ATP12A: variants seen among roughly 807,000 people sequenced by gnomAD.
The protein encoded by ATP12A is potassium-transporting ATPase alpha chain 2.
A neutral mutation model predicts 111.2 loss-of-function variants in ATP12A; 81 were observed. That is an observed-to-expected ratio of 0.73 (90% CI 0.61 to 0.88). The LOEUF (loss-of-function observed/expected upper bound fraction) is 0.88, where lower values mean the gene tolerates loss of function less well. Ranked by LOEUF, ATP12A falls within the 40% of genes least tolerant of loss-of-function variation. ATP12A has a pLI of 0.00. For missense variants in ATP12A, 1,196 were observed against 1,313.1 expected (o/e 0.91, Z 1.38); for synonymous variants, 498 against 499.8 (o/e 1.00, Z 0.05).
chr13:24,690,594 TTTC>T lies in ATP12A; in HGVS notation c.682-5_682-3del. 1 of 1,607,644 alleles carries T rather than the reference TTTC, an allele frequency of 6.2e-7. No homozygotes were observed. Among genetic ancestry groups the T allele is most frequent in the East Asian group, 2.2e-5 (1 of 44,786 alleles). On this transcript the variant is annotated splice_region_variant and splice_polypyrimidine_tract_variant and intron_variant, in intron 6 of 22. Transcript: ENST00000381946. ...ACCCAGCTGTGAACCACCTTCAACA[TTTC>T]TTCTAGGTGGATAACTCATCTCTCA... is the stretch of plus-strand genomic sequence containing the variant.
At chr13:24,702,372 A>G (rs1240053481) in intron 14 of ATP12A, among the ~76,000 whole-genome samples, 4 of 152,236 alleles carry the variant, frequency 2.6e-5, no homozygotes, top group Non-Finnish European at 2.9e-5. Flanking sequence ...AAAAACTGAA[A>G]CAAAGGGTTT....
rs561161519 is a variant in ATP12A at position 24,701,882 on chromosome 13, T to C, written c.1882-53T>C. 13 of 1,612,064 alleles carry C rather than the reference T, an allele frequency of 8.1e-6. No individual in the cohort carries two copies. In the South Asian group the frequency reaches 1.4e-4, roughly 18 times the overall value. ...AGGTATTACTGAACCATCCCCACTT[T>C]GGCCAACCGAGTTCTTCATTACCCG... On this transcript the variant is annotated intron_variant, in intron 13 of 22. Transcript: ENST00000381946.
At chr13:24,711,022 C>T (rs950382413) in intron 21 of ATP12A, 129 bp downstream of exon 21, 2 of 860,112 alleles carry the variant, frequency 2.3e-6, no homozygotes, top group South Asian at 1.7e-5. Context: ...TGATCCCATG[C>T]TCTGTGAGCC....
chr13:24,701,398 G>A (rs1352380367), intron 13 of ATP12A, among the ~76,000 whole-genome samples: 2 of 151,640 alleles, frequency 1.3e-5, no homozygotes, highest in African/African-American at 4.9e-5. Context: ...CTACTCGGGA[G>A]GCTGAGGCAG....
chr13:24,687,876 A>G (rs1867767), intron 3 of ATP12A, among the ~76,000 whole-genome samples: 141,301 of 152,218 alleles, frequency 0.93, 65,758 homozygotes, highest in East Asian at 1. Flanking sequence ...TAGTCCTCTC[A>G]CCGGATAAAC....
chr13:24,694,700 TACAGCACCC>T, intron 11 of ATP12A, 122 bp downstream of exon 11: 1 of 1,481,808 alleles, frequency 6.7e-7, no homozygotes, highest in Non-Finnish European at 9.2e-7. Context: ...TCGTCAGGGA[TACAGCACCC>T]AGGCATCTGG....
chr13:24,690,537 C>T, intron 6 of ATP12A, 65 bp downstream of exon 6: 4 of 1,603,980 alleles, frequency 2.5e-6, no homozygotes, highest in Non-Finnish European at 3.4e-6. Context: ...GGGGTCTTTC[C>T]CAGCATCAGT....
intron 9 of ATP12A, 53 bp from the exon 10 acceptor site, chr13:24,692,734 C>T (rs1225748987): frequency 6.3e-7 from 1 of 1,599,630 alleles, no homozygotes; most frequent in Non-Finnish European, 8.6e-7. Flanking sequence ...GACAGTGACT[C>T]ATGGACGGCC....
At chr13:24,691,930 G>A (rs997459793) in intron 8 of ATP12A, among the ~76,000 whole-genome samples, 2 of 152,202 alleles carry the variant, frequency 1.3e-5, no homozygotes, top group African/African-American at 2.4e-5. Context: ...GGAAATTGGA[G>A]CCAAAAGAAC....
At chr13:24,682,168 ATGTGTGTGG>A (rs1874493782) in intron 2 of ATP12A, among the ~76,000 whole-genome samples, 1 of 64,476 alleles carries the variant, frequency 1.6e-5, no homozygotes, top group Admixed American at 1.8e-4. Flanking sequence ...TGGTGTGTGT[ATGTGTGTGG>A]TGTGTGTATG....
At chr13:24,708,630 C>A (rs1323496546) in intron 17 of ATP12A, among the ~76,000 whole-genome samples, 1 of 152,038 alleles carries the variant, frequency 6.6e-6, no homozygotes, top group African/African-American at 2.4e-5. Context: ...AGCCTAGCTA[C>A]TCAGGAGGCC....
At chr13:24,698,607 G>A in intron 11 of ATP12A, 51 bp from the exon 12 acceptor site, 3 of 1,562,420 alleles carry the variant, frequency 1.9e-6, no homozygotes, top group South Asian at 1.2e-5. Flanking sequence ...AGAGAAGAAG[G>A]AATGCGTTTC....
rs559020610 is a variant in ATP12A at position 24,707,899 on chromosome 13, C to T, written c.2493+466C>T. Among the ~76,000 whole-genome samples, 4 of 152,130 alleles carry T rather than the reference C, an allele frequency of 2.6e-5. No individual in the cohort carries two copies. The South Asian group carries it at 8.3e-4, about 32-fold the overall frequency. On this transcript the variant is annotated intron_variant, in intron 17 of 22. Transcript: ENST00000381946. ...TCCTGGCCTCAAGTGATCCACCTGC[C>T]TCGGCCTCCCAAAGTGCTGGGATTA... is the stretch of plus-strand genomic sequence containing the variant.
Position 24,694,413 on chromosome 13 carries a change from G to A in ATP12A, c.1378-31G>A, listed in dbSNP as rs367907122. The A allele has an allele frequency of 1.4e-5, 22 of 1,611,500 alleles. No homozygotes were observed. In the African/African-American group the frequency reaches 2.4e-4, roughly 18 times the overall value. ...GGGCATGTTGGTTCATTAAATATGT[G>A]CTGCAAATATTTTTCTTCTTTGATT... On this transcript the variant is annotated intron_variant, in intron 10 of 22. Transcript: ENST00000381946.
At chr13:24,683,801 A>T (rs1022775785) in intron 2 of ATP12A, among the ~76,000 whole-genome samples, 1 of 152,186 alleles carries the variant, frequency 6.6e-6, no homozygotes, top group African/African-American at 2.4e-5. Context: ...GATCGTTCTT[A>T]TTATTTCCCA....
chr13:24,705,467 A>G (rs190308413), intron 14 of ATP12A, among the ~76,000 whole-genome samples: 3 of 152,338 alleles, frequency 2.0e-5, no homozygotes, highest in African/African-American at 7.2e-5. Context: ...TGCATAATCA[A>G]TAGGCCCTAG....
chr13:24,690,902 C>G, intron 7 of ATP12A, 80 bp from the exon 8 acceptor site: 1 of 1,568,030 alleles, frequency 6.4e-7, no homozygotes, highest in South Asian at 1.2e-5. Flanking sequence ...ATTGTGCCAG[C>G]CCCCAGAGAG....
chr13:24,680,616 T>C lies in ATP12A; in HGVS notation c.-128T>C. ...CGTGCAGGGCCCGCGCCGCCGCCGG[T>C]ATCTCCACCGCCAACACCTCAGCCA... On this transcript the variant is annotated 5_prime_UTR_variant, in exon 1 of 23. Coordinates refer to ENST00000381946, the MANE Select transcript of ATP12A (RefSeq NM_001676.7). 8.8e-7 allele frequency: 1 copy of C among 1,132,276 alleles called. No individual in the cohort carries two copies. Among genetic ancestry groups the C allele is most frequent in the Non-Finnish European group, 1.2e-6 (1 of 820,572 alleles). 70.1% of individuals were successfully genotyped at this position (1,132,276 alleles called of 1,614,324 possible). A position where few individuals can be genotyped will look rare whatever the true frequency, so the allele number is the denominator to read the frequency against.
Position 24,680,647 on chromosome 13 carries a change from A to T in ATP12A, c.-97A>T. The T allele has an allele frequency of 7.1e-7, 1 of 1,414,260 alleles. No homozygotes were observed. Among genetic ancestry groups the T allele is most frequent in the South Asian group, 1.3e-5 (1 of 78,348 alleles). The allele number at this position is 1,414,260 out of a possible 1,614,324, so 87.6% of individuals were successfully genotyped here. On this transcript the variant is annotated 5_prime_UTR_variant, in exon 1 of 23. Coordinates refer to ENST00000381946, the MANE Select transcript of ATP12A (RefSeq NM_001676.7). Reference sequence around the variant, plus strand: ...CACCGCCAACACCTCAGCCACTGCCACTGCCACAGCCACACGAGGCCCCCC... The same window carrying T: ...CACCGCCAACACCTCAGCCACTGCCTCTGCCACAGCCACACGAGGCCCCCC...
Sources: allele counts gnomAD v4.1 joint callset (sites outside exome capture counted in the v4.1 genomes callset), GRCh38; gene constraint gnomAD v4.1.1; transcripts MANE v1.5; gene names NCBI Gene and HGNC (gene_info 2026-07-23, HGNC 2026-07-21).